Variants in PMM1 observed in about 807,000 individuals in gnomAD.
The protein encoded by PMM1 is brain glucose-1,6-bisphosphatase.
Under a neutral mutation model 34.0 loss-of-function variants are expected in PMM1, and 25 were observed. The observed-to-expected ratio is 0.73, with a 90% CI of 0.54 to 1.03. PMM1 has a LOEUF of 1.03. Ranked by LOEUF, PMM1 falls within the 50% of genes least tolerant of loss-of-function variation. The pLI is 0.00. For missense variants in PMM1, 321 were observed against 350.1 expected, an observed-to-expected ratio of 0.92 and a Z score of 0.66; for synonymous variants, 134 against 143.9, an observed-to-expected ratio of 0.93 and a Z score of 0.49.
intron 5 of PMM1, among the ~76,000 whole-genome samples, chr22:41,581,305 C>G (rs957045654): frequency 6.6e-6 from 1 of 150,768 alleles, no homozygotes; most frequent in Non-Finnish European, 1.5e-5. Context: ...GCCTGGGTGA[C>G]AGAGCAAGAC....
chr22:41,588,652 G>A (rs1368243054), intron 1 of PMM1: 1 of 985,326 alleles, frequency 1.0e-6, no homozygotes, highest in East Asian at 1.1e-4. Context: ...ACAAGCAAAT[G>A]GCCCACCTTT....
rs755532168 is a variant in PMM1 at position 41,577,369 on chromosome 22, CG to C, written c.737del (p.Thr246ArgfsTer43). The C allele has an allele frequency of 6.2e-7, 1 of 1,613,004 alleles. No individual in the cohort carries two copies. The highest frequency in any genetic ancestry group is 1.1e-5 in the South Asian group (1 of 91,076). ...VGHSVVSPQDTVQRCREIFFP... is the reference protein window; with the variant it reads ...VGHSVVSPQDXVQRCREIFFP... ...AGAAAATCTCCCGGCATCGCTGCAC[CG>C]TGTCCTGAGGAGACACCACGCTGTG... is the stretch of plus-strand genomic sequence containing the variant. On this transcript the variant is annotated frameshift_variant, in exon 8 of 8. Coordinates refer to ENST00000216259, the MANE Select transcript of PMM1 (RefSeq NM_002676.3). LOFTEE classifies it high-confidence loss of function.
At chr22:41,586,945 CTG>C (rs2067314806) in intron 1 of PMM1, among the ~76,000 whole-genome samples, 2 of 138,446 alleles carry the variant, frequency 1.4e-5, no homozygotes, top group East Asian at 4.3e-4. Context: ...TGGTGAAACT[CTG>C]TTTCTACTAA....
intron 5 of PMM1, among the ~76,000 whole-genome samples, chr22:41,582,144 C>CAA (rs58541345): frequency 1.9e-5 from 2 of 105,080 alleles, no homozygotes; most frequent in Non-Finnish European, 2.0e-5. Context: ...ACTCAGTCTC[C>CAA]AAAAAAAAAA....
At chr22:41,583,610 C>G (rs1263139625) in intron 5 of PMM1, among the ~76,000 whole-genome samples, 1 of 152,030 alleles carries the variant, frequency 6.6e-6, no homozygotes. Flanking sequence ...AAGGGGTAAT[C>G]TAGAAAGTGG....
intron 2 of PMM1, chr22:41,585,374 C>T (rs1304460144): frequency 1.3e-5 from 2 of 152,116 alleles, no homozygotes; most frequent in African/African-American, 4.8e-5. Context: ...ATGATCACGC[C>T]TACTCTAAAG....
chr22:41,584,046 G>C lies in PMM1; in HGVS notation c.387C>G (p.Ile129Met). The C allele has an allele frequency of 6.2e-7, 1 of 1,613,206 alleles. No individual in the cohort carries two copies. Among genetic ancestry groups the C allele is most frequent in the Non-Finnish European group, 8.5e-7 (1 of 1,179,182 alleles). Residue 129 changes from isoleucine (I) to methionine (M), a missense_variant, in exon 5 of 8, where the codon ATC (isoleucine) becomes ATG (methionine). Physicochemically the swap from Ile to Met is conservative, Grantham distance 10 (BLOSUM62 1). Coordinates refer to ENST00000216259, the MANE Select transcript of PMM1 (RefSeq NM_002676.3). ...LRLPKKRGTF[I>M]EFRNGMLNIS... is the part of the protein sequence containing the mutation. ...TGTTCAGCATGCCATTCCGGAACTC[G>C]ATGAAGGTTCCACTGGTGGTGAGGG...
chr22:41,583,482 C>T (rs67828516), intron 5 of PMM1, among the ~76,000 whole-genome samples: 8,953 of 151,924 alleles, frequency 0.059, 594 homozygotes, highest in African/African-American at 0.16. Flanking sequence ...GAGACTCTAT[C>T]TCCAAAAAGA....
At position 41,577,414 on chromosome 22, in the gene PMM1, G is replaced by C. The variant is rs547396128; in HGVS notation, c.693C>G (p.Ala231=). 2.9e-5 allele frequency: 47 copies of C among 1,612,222 alleles called. 1 individual carries two copies. In the South Asian group the frequency reaches 4.7e-4, roughly 16 times the overall value. The change falls in exon 8 of 8, where the codon GCC becomes GCG. Residue 231 remains alanine (A), a synonymous_variant. Coordinates refer to ENST00000216259, the MANE Select transcript of PMM1 (RefSeq NM_002676.3). ...SPGGNDFEIF[A]DPRTVGHSVV... ...CGCTGTGGCCAACAGTCCGGGGGTC[G>C]GCAAAGATCTCAAAGTCGTTCCCAC... is the stretch of plus-strand genomic sequence containing the variant.
intron 1 of PMM1, chr22:41,589,417 G>A (rs1399897875): frequency 7.9e-6 from 4 of 506,426 alleles, no homozygotes; most frequent in Non-Finnish European, 1.4e-5. Flanking sequence ...CCTTAGCGGC[G>A]TGTGACAGCC....
intron 2 of PMM1, among the ~76,000 whole-genome samples, chr22:41,585,754 A>G (rs547496996): frequency 6.6e-6 from 1 of 152,244 alleles, no homozygotes; most frequent in East Asian, 1.9e-4. Context: ...CGGCCTCCCA[A>G]AGTGCTGGGA....
At chr22:41,577,498 G>A (rs961525603) in intron 7 of PMM1, 58 bp from the exon 8 acceptor site, 14 of 1,548,684 alleles carry the variant, frequency 9.0e-6, no homozygotes, top group Non-Finnish European at 1.2e-5. Flanking sequence ...CTCCACATTG[G>A]CTGCTACGGA....
chr22:41,580,466 C>T (rs910074010), intron 5 of PMM1: 1 of 152,198 alleles, frequency 6.6e-6, no homozygotes, highest in African/African-American at 2.4e-5. Flanking sequence ...TGTGCCACCT[C>T]ATCCAGTGCT....
chr22:41,577,425 C>CA lies in PMM1; in HGVS notation c.681dup (p.Glu228Ter). The CA allele has an allele frequency of 6.2e-7, 1 of 1,611,662 alleles. No homozygotes were observed. The highest frequency in any genetic ancestry group is 8.5e-7 in the Non-Finnish European group (1 of 1,179,834). Reference sequence around the variant, plus strand: ...ACAGTCCGGGGGTCGGCAAAGATCTCAAAGTCGTTCCCACCCTGCACACAG... The same window carrying CA: ...ACAGTCCGGGGGTCGGCAAAGATCTCAAAAGTCGTTCCCACCCTGCACACAG... On this transcript the variant is annotated frameshift_variant, in exon 8 of 8. Transcript: ENST00000216259. LOFTEE classifies it high-confidence loss of function.
At chr22:41,578,229 G>A (rs2067197326) in intron 6 of PMM1, among the ~76,000 whole-genome samples, 1 of 152,170 alleles carries the variant, frequency 6.6e-6, no homozygotes, top group South Asian at 2.1e-4. Flanking sequence ...AGCCCCTGAG[G>A]CAGGGAAGAG....
intron 1 of PMM1, chr22:41,588,653 GC>G: frequency 1.0e-6 from 1 of 985,338 alleles, no homozygotes; most frequent in Non-Finnish European, 1.2e-6. Flanking sequence ...CAAGCAAATG[GC>G]CCACCTTTGC....
intron 1 of PMM1, chr22:41,589,047 C>T (rs1428190553): frequency 7.8e-7 from 1 of 1,289,834 alleles, no homozygotes; most frequent in Non-Finnish European, 1.0e-6. Context: ...AAACTAGACT[C>T]TTACCCTCAC....
chr22:41,589,714 C>T lies in PMM1; in HGVS notation c.87+5G>A, dbSNP rs761721137. 7.5e-6 allele frequency: 12 copies of T among 1,609,330 alleles called. No homozygotes were observed. Among genetic ancestry groups the T allele is most frequent in the Non-Finnish European group, 1.0e-5 (12 of 1,178,314 alleles). ...GGTGGGAGCTTCCAATCTTCAGGGT[C>T]CTACCTGGCGAGCCGGCGTGAGGGT... On this transcript the variant is annotated splice_donor_5th_base_variant and intron_variant, in intron 1 of 7. Transcript: ENST00000216259.
Position 41,589,703 on chromosome 22 carries a change from A to T in PMM1, c.87+16T>A, listed in dbSNP as rs1569059548. 1 of 1,604,998 alleles carries T rather than the reference A, an allele frequency of 6.2e-7. No individual in the cohort carries two copies. The highest frequency in any genetic ancestry group is 2.2e-5 in the East Asian group (1 of 44,668). On this transcript the variant is annotated intron_variant, in intron 1 of 7. Transcript: ENST00000216259. ...GTGACACTCCCGGTGGGAGCTTCCAATCTTCAGGGTCCTACCTGGCGAGCC... is the reference window on the plus strand; with the variant it reads ...GTGACACTCCCGGTGGGAGCTTCCATTCTTCAGGGTCCTACCTGGCGAGCC...
Sources: allele counts gnomAD v4.1 joint callset (sites outside exome capture counted in the v4.1 genomes callset), GRCh38; gene constraint gnomAD v4.1.1; transcripts MANE v1.5; gene names NCBI Gene and HGNC (gene_info 2026-07-23, HGNC 2026-07-21).